The following TRAPPC12 variants were observed in gnomAD, a reference collection of about 807,000 sequenced individuals.
The protein encoded by TRAPPC12 is trafficking protein particle complex subunit 12.
In TRAPPC12, 61 loss-of-function variants were observed where a neutral mutation model predicts 69.2. The ratio of observed to expected loss-of-function variants is 0.88; its 90% CI spans 0.72 to 1.09. The LOEUF (loss-of-function observed/expected upper bound fraction) is 1.09. Ranked by LOEUF, TRAPPC12 falls within the 50% of genes least tolerant of loss-of-function variation. TRAPPC12 has a pLI of 0.00. For synonymous variants in TRAPPC12, 469 were observed against 438.9 expected (o/e 1.07, Z -0.86); for missense variants, 1,101 against 1,016.4 (o/e 1.08, Z -1.13).
chr2:3,400,704 G>A (rs887570478), intron 2 of TRAPPC12, among the ~76,000 whole-genome samples: 1 of 152,184 alleles, frequency 6.6e-6, no homozygotes, highest in Non-Finnish European at 1.5e-5. Flanking sequence ...ACAGCACTGA[G>A]GCCTGTGGAC....
intron 8 of TRAPPC12, among the ~76,000 whole-genome samples, chr2:3,461,620 C>A (rs916410272): frequency 5.9e-5 from 9 of 152,212 alleles, no homozygotes; most frequent in African/African-American, 2.2e-4. Context: ...TTTTCAAGTT[C>A]TGTGGTTTTG....
intron 5 of TRAPPC12, among the ~76,000 whole-genome samples, chr2:3,428,004 G>A (rs890560359): frequency 6.6e-6 from 1 of 152,078 alleles, no homozygotes; most frequent in African/African-American, 2.4e-5. Context: ...TGAAGACTCC[G>A]TGGCACTGTT....
At chr2:3,455,158 G>A (rs1044128082) in intron 6 of TRAPPC12, 1 of 152,216 alleles carries the variant, frequency 6.6e-6, no homozygotes, top group Non-Finnish European at 1.5e-5. Context: ...CTCTGTGATA[G>A]GTGTCCCGTC....
intron 6 of TRAPPC12, among the ~76,000 whole-genome samples, chr2:3,451,799 A>G (rs1221960873): frequency 6.6e-6 from 1 of 152,168 alleles, no homozygotes; most frequent in Non-Finnish European, 1.5e-5. Flanking sequence ...GCTACAGCTG[A>G]CTATAAGCGT....
intron 6 of TRAPPC12, among the ~76,000 whole-genome samples, chr2:3,450,153 G>A (rs754179879): frequency 2.4e-4 from 36 of 152,160 alleles, no homozygotes; most frequent in African/African-American, 6.3e-4. Context: ...CCACCCAGCC[G>A]TGGCAACCCG....
intron 10 of TRAPPC12, among the ~76,000 whole-genome samples, chr2:3,478,505 T>G (rs35857744): frequency 0.3 from 45,313 of 151,806 alleles, 6,956 homozygotes; most frequent in East Asian, 0.48. Context: ...GTGGTGGCAG[T>G]CGCCTGTAAT....
chr2:3,390,082 A>G (rs983488977), intron 2 of TRAPPC12, among the ~76,000 whole-genome samples: 17 of 152,180 alleles, frequency 1.1e-4, no homozygotes, highest in Non-Finnish European at 2.2e-4. Flanking sequence ...ATGGGACGAA[A>G]GGTTCTCAGT....
chr2:3,479,061 G>A lies in TRAPPC12; in HGVS notation c.1965+128G>A, dbSNP rs193127969. The A allele has an allele frequency of 2.8e-4, 417 of 1,481,458 alleles. 5 individuals are homozygous for A. In the East Asian group the frequency reaches 9.5e-3, roughly 34 times the overall value. 91.8% of individuals were successfully genotyped at this position (1,481,458 alleles called of 1,614,324 possible). Reference sequence around the variant, plus strand: ...AGTCCACCAGCTCCAGGCAGTGGCTGTGGCCCTTAGGGGAAGTGACCCAAC... The same window carrying A: ...AGTCCACCAGCTCCAGGCAGTGGCTATGGCCCTTAGGGGAAGTGACCCAAC... On this transcript the variant is annotated intron_variant, in intron 11 of 11. Coordinates refer to ENST00000324266, the MANE Select transcript of TRAPPC12 (RefSeq NM_016030.6).
At chr2:3,401,148 T>C (rs1281987940) in intron 2 of TRAPPC12, among the ~76,000 whole-genome samples, 2 of 152,236 alleles carry the variant, frequency 1.3e-5, no homozygotes, top group African/African-American at 4.8e-5. Flanking sequence ...AAGGCCTGGC[T>C]CAGCGAGGCT....
chr2:3,436,832 A>AC (rs1353616886), intron 5 of TRAPPC12, among the ~76,000 whole-genome samples: 1 of 99,032 alleles, frequency 1.0e-5, no homozygotes, highest in Admixed American at 1.2e-4. Flanking sequence ...CAGGATTAAT[A>AC]CCCCATCACC....
chr2:3,420,699 G>A (rs1662730339), intron 3 of TRAPPC12, among the ~76,000 whole-genome samples: 1 of 152,180 alleles, frequency 6.6e-6, no homozygotes. Flanking sequence ...AAGGACTGCA[G>A]AACAACTGTA....
Position 3,477,754 on chromosome 2 carries a change from A to G in TRAPPC12, c.1836A>G (p.Lys612=), listed in dbSNP as rs1301149976. 1 of 1,608,712 alleles carries G rather than the reference A, an allele frequency of 6.2e-7. No individual in the cohort carries two copies. The highest frequency in any genetic ancestry group is 1.7e-5 in the Admixed American group (1 of 58,584). ...AAGACGTTGAGAAAGTAACACAGAA[A>G]TTAGATGGACTACAGGGTAAAATCA... is the stretch of plus-strand genomic sequence containing the variant. ...YFQDVEKVTQ[K]LDGLQGKIMV... Residue 612 remains lysine, a synonymous_variant, in exon 10 of 12, where the codon AAA becomes AAG. Transcript: ENST00000324266.
chr2:3,389,287 C>T (rs1253648703), intron 2 of TRAPPC12, among the ~76,000 whole-genome samples: 1 of 152,242 alleles, frequency 6.6e-6, no homozygotes, highest in African/African-American at 2.4e-5. Flanking sequence ...TGCCGGGCCG[C>T]ACCTGGCTTG....
At chr2:3,458,118 G>A in intron 7 of TRAPPC12, 2 of 1,028,794 alleles carry the variant, frequency 1.9e-6, no homozygotes, top group Non-Finnish European at 2.3e-6. Context: ...AGGAGCTGGA[G>A]AGGAAGGCCC....
chr2:3,387,070 T>G (rs1001690381), intron 1 of TRAPPC12, among the ~76,000 whole-genome samples: 1 of 152,232 alleles, frequency 6.6e-6, no homozygotes, highest in Non-Finnish European at 1.5e-5. Flanking sequence ...AAAGAGCTGT[T>G]TGTACAGCCA....
Position 3,421,963 on chromosome 2 carries a change from T to C in TRAPPC12, c.1247T>C (p.Leu416Pro). Residue 416 changes from leucine to proline, a missense_variant, in exon 4 of 12, where the codon CTG (leucine) becomes CCG (proline). Leu to Pro is a moderately conservative substitution (Grantham distance 98, BLOSUM62 -3). Coordinates refer to ENST00000324266, the MANE Select transcript of TRAPPC12 (RefSeq NM_016030.6). Reference protein sequence around the residue: ...AHGQGYGKSGLLTSHTTDSLQ... With the variant: ...AHGQGYGKSGPLTSHTTDSLQ... Reference sequence around the variant, plus strand: ...GGCCAGGGCTACGGCAAGAGCGGGCTGCTCACCAGCCACACGACAGATTCA... The same window carrying C: ...GGCCAGGGCTACGGCAAGAGCGGGCCGCTCACCAGCCACACGACAGATTCA... 2 of 1,613,404 alleles carry C rather than the reference T, an allele frequency of 1.2e-6. No individual in the cohort carries two copies. The highest frequency in any genetic ancestry group is 2.2e-5 in the East Asian group (1 of 44,860).
At chr2:3,469,373 T>A (rs1475923371) in intron 9 of TRAPPC12, among the ~76,000 whole-genome samples, 1 of 152,252 alleles carries the variant, frequency 6.6e-6, no homozygotes, top group Non-Finnish European at 1.5e-5. Flanking sequence ...TATTAGTAAC[T>A]GTCCCTCAAA....
chr2:3,423,242 A>G (rs186650379), intron 4 of TRAPPC12, among the ~76,000 whole-genome samples: 42 of 152,198 alleles, frequency 2.8e-4, no homozygotes, highest in African/African-American at 8.4e-4. Flanking sequence ...TTGTATGCAA[A>G]CCCTCAGACC....
rs375726071 is a variant in TRAPPC12, at chr2:3,387,858, G to C, written c.235G>C (p.Glu79Gln). Reference protein sequence around the residue: ...SVLISDSPNSEGDAGDLGRVR... With the variant: ...SVLISDSPNSQGDAGDLGRVR... ...CCTCATCTCTGACTCCCCCAACAGC[G>C]AGGGCGACGCGGGCGACCTGGGCCG... Residue 79 changes from glutamate to glutamine, a missense_variant, in exon 2 of 12, where the codon GAG becomes CAG. Glu to Gln is a conservative substitution (Grantham distance 29, BLOSUM62 2). Transcript: ENST00000324266. The C allele has an allele frequency of 1.2e-6, 2 of 1,600,406 alleles. No individual in the cohort carries two copies. Among genetic ancestry groups the C allele is most frequent in the Non-Finnish European group, 1.7e-6 (2 of 1,170,380 alleles).
Sources: allele counts gnomAD v4.1 joint callset (sites outside exome capture counted in the v4.1 genomes callset), GRCh38; gene constraint gnomAD v4.1.1; transcripts MANE v1.5; gene names NCBI Gene and HGNC (gene_info 2026-07-23, HGNC 2026-07-21).